Variants in EPHX2 observed in about 807,000 individuals in gnomAD.
EPHX2 encodes bifunctional epoxide hydrolase 2.
EPHX2 carries 74 observed loss-of-function variants against 78.7 expected under a neutral mutation model. The observed-to-expected ratio is 0.94, with a 90% confidence interval of 0.78 to 1.14. EPHX2 has a LOEUF of 1.14. EPHX2 is among the 50% of genes most tolerant of loss of function. The pLI, the probability that EPHX2 is intolerant of heterozygous loss-of-function variation, is 0.00. For missense variants in EPHX2, 715 were observed against 702.5 expected (o/e 1.02, Z -0.20); for synonymous variants, 251 against 255.2 (o/e 0.98, Z 0.16).
chr8:27,542,377 G>T (rs1229497149), intron 16 of EPHX2, among the ~76,000 whole-genome samples: 1 of 152,190 alleles, frequency 6.6e-6, no homozygotes, highest in South Asian at 2.1e-4. Flanking sequence ...ATCCACTGTG[G>T]CTTCTTCTGC....
chr8:27,522,358 G>A (rs1392384561), intron 10 of EPHX2, 65 bp from the exon 11 acceptor site: 40 of 1,539,704 alleles, frequency 2.6e-5, no homozygotes, highest in Admixed American at 3.4e-5. Context: ...GCTGATGGCC[G>A]AACCTCTCAG....
intron 17 of EPHX2, 78 bp downstream of exon 17, chr8:27,543,907 A>G (rs989991433): frequency 1.7e-5 from 25 of 1,440,906 alleles, no homozygotes; most frequent in Non-Finnish European, 2.2e-5. Flanking sequence ...AGACGGCAGC[A>G]GAAGATACAC....
intron 12 of EPHX2, among the ~76,000 whole-genome samples, chr8:27,529,081 C>G (rs1814945293): frequency 6.6e-6 from 1 of 152,202 alleles, no homozygotes; most frequent in African/African-American, 2.4e-5. Flanking sequence ...CCACTGCGCC[C>G]AGCCCCATCT....
intron 6 of EPHX2, 190 bp downstream of exon 6, chr8:27,512,100 G>GA (rs869166083): frequency 0.15 from 21,447 of 138,572 alleles, 685 homozygotes; most frequent in African/African-American, 0.19. Context: ...CCTGTCTCAA[G>GA]AAAAAAAAAA....
At chr8:27,522,354 G>A (rs1814678747) in intron 10 of EPHX2, 69 bp from the exon 11 acceptor site, 1 of 1,514,792 alleles carries the variant, frequency 6.6e-7, no homozygotes, top group African/African-American at 1.4e-5. Flanking sequence ...GCTGGCTGAT[G>A]GCCGAACCTC....
intron 12 of EPHX2, among the ~76,000 whole-genome samples, chr8:27,528,347 G>A (rs1814917906): frequency 6.6e-6 from 1 of 152,142 alleles, no homozygotes; most frequent in African/African-American, 2.4e-5. Context: ...CAGTAACCAG[G>A]TTGGGCTGCA....
chr8:27,532,101 A>T (rs114122828), intron 12 of EPHX2, among the ~76,000 whole-genome samples: 2,606 of 151,864 alleles, frequency 0.017, 75 homozygotes, highest in African/African-American at 0.06. Context: ...GACCCTCCAG[A>T]CCCCCACCCT....
chr8:27,505,759 C>T (rs760031459), intron 4 of EPHX2, among the ~76,000 whole-genome samples: 16 of 152,290 alleles, frequency 1.1e-4, no homozygotes, highest in Non-Finnish European at 2.4e-4. Flanking sequence ...CCCCTTTCAC[C>T]TCCTGGACTT....
chr8:27,495,956 T>C (rs1309893864), intron 1 of EPHX2, among the ~76,000 whole-genome samples: 1 of 152,214 alleles, frequency 6.6e-6, no homozygotes, highest in African/African-American at 2.4e-5. Context: ...GTGTTTGCCC[T>C]CTGGGTCTCC....
intron 7 of EPHX2, 37 bp from the exon 8 acceptor site, chr8:27,516,283 A>G (rs1814447921): frequency 6.3e-7 from 1 of 1,593,562 alleles, no homozygotes; most frequent in Non-Finnish European, 8.6e-7. Flanking sequence ...CCTAGGACTG[A>G]TGGGACCATG....
intron 6 of EPHX2, 127 bp downstream of exon 6, chr8:27,512,037 G>A (rs1339698581): frequency 1.1e-6 from 1 of 890,900 alleles, no homozygotes; most frequent in Non-Finnish European, 1.8e-6. Flanking sequence ...AGTGGAGGTT[G>A]CAGTGAGCTG....
chr8:27,515,728 G>A lies in EPHX2; in HGVS notation c.746G>A (p.Arg249His), dbSNP rs137956640. 243 of 1,613,930 alleles carry A rather than the reference G, an allele frequency of 1.5e-4. No individual in the cohort carries two copies. Among genetic ancestry groups the A allele is most frequent in the African/African-American group, 2.3e-4 (17 of 75,050 alleles). The change falls in exon 7 of 19, where the codon CGT (arginine) becomes CAT (histidine). Residue 249 changes from arginine to histidine, a missense_variant. Arg to His is a conservative substitution (Grantham distance 29). Coordinates refer to ENST00000521400, the MANE Select transcript of EPHX2 (RefSeq NM_001979.6). ...HGYVTVKPRV[R>H]LHFVELGSGP... Reference sequence around the variant, plus strand: ...CTTTCCCTTCCACAGCCCAGGGTCCGTCTGCATTTTGTGGAGCTGGGCTCC... The same window carrying A: ...CTTTCCCTTCCACAGCCCAGGGTCCATCTGCATTTTGTGGAGCTGGGCTCC...
intron 9 of EPHX2, among the ~76,000 whole-genome samples, chr8:27,519,137 A>G (rs1028289215): frequency 6.6e-6 from 1 of 152,244 alleles, no homozygotes; most frequent in Admixed American, 6.5e-5. Flanking sequence ...AAAATCGATG[A>G]CATAGGTCCA....
At position 27,505,074 on chromosome 8, in the gene EPHX2, G is replaced by C; in HGVS notation, c.465G>C (p.Gln155His). Reference sequence around the variant, plus strand: ...TTGACTTCCTGATAGAGTCGTGTCAGGTGGGAATGGTCAAACCTGAACCTC... The same window carrying C: ...TTGACTTCCTGATAGAGTCGTGTCACGTGGGAATGGTCAAACCTGAACCTC... ...MHFDFLIESCQVGMVKPEPQI... is the reference protein window; with the variant it reads ...MHFDFLIESCHVGMVKPEPQI... The change falls in exon 4 of 19, where the codon CAG becomes CAC. Residue 155 changes from glutamine to histidine, a missense_variant. Transcript: ENST00000521400. The C allele has an allele frequency of 1.9e-6, 3 of 1,614,130 alleles. No homozygotes were observed. Among genetic ancestry groups the C allele is most frequent in the Non-Finnish European group, 2.5e-6 (3 of 1,180,026 alleles).
At chr8:27,510,141 A>G (rs550623367) in intron 5 of EPHX2, among the ~76,000 whole-genome samples, 1 of 152,050 alleles carries the variant, frequency 6.6e-6, no homozygotes, top group African/African-American at 2.4e-5. Flanking sequence ...AGTCTTCCAT[A>G]GTTATAAAGG....
At chr8:27,507,268 G>C (rs1814047410) in intron 5 of EPHX2, among the ~76,000 whole-genome samples, 1 of 152,148 alleles carries the variant, frequency 6.6e-6, no homozygotes, top group Admixed American at 6.5e-5. Context: ...GGATGTTCAA[G>C]GTCATCCTGA....
intron 17 of EPHX2, 149 bp from the exon 18 acceptor site, chr8:27,544,037 C>T (rs538914211): frequency 1.9e-6 from 2 of 1,057,584 alleles, no homozygotes; most frequent in South Asian, 2.9e-5. Flanking sequence ...GGGTCTCATT[C>T]ATTCATTATT....
In EPHX2 at chr8:27,541,458, C is replaced by G. The variant is rs1442742453; in HGVS notation, c.1380-15C>G. ...CTTACTGCCTCCCTCTTTTTACTTT[C>G]TGATCTCTCCCCAGAGGTCCTCTAA... is the stretch of plus-strand genomic sequence containing the variant. On this transcript the variant is annotated splice_polypyrimidine_tract_variant and intron_variant, in intron 15 of 18. Coordinates refer to ENST00000521400, the MANE Select transcript of EPHX2 (RefSeq NM_001979.6). The G allele has an allele frequency of 1.2e-6, 2 of 1,614,094 alleles. No homozygotes were observed. The highest frequency in any genetic ancestry group is 3.3e-5 in the Admixed American group (2 of 60,036).
chr8:27,535,792 A>G (rs1024369963), intron 12 of EPHX2, among the ~76,000 whole-genome samples: 7 of 151,922 alleles, frequency 4.6e-5, no homozygotes, highest in African/African-American at 1.5e-4. Flanking sequence ...AAGACTCCAC[A>G]CCCTGAGCCT....
Sources: gnomAD v4.1 joint callset for allele counts (sites outside exome capture counted in the v4.1 genomes callset) on GRCh38, gnomAD v4.1.1 for gene constraint, MANE v1.5 for transcripts, NCBI Gene and HGNC (gene_info 2026-07-23, HGNC 2026-07-21) for gene names.